Variants in MAGEC3 observed in about 807,000 individuals in gnomAD.
MAGEC3 encodes the protein melanoma-associated antigen C3.
In MAGEC3, 34 loss-of-function variants were observed where a neutral mutation model predicts 35.3. The ratio of observed to expected loss-of-function variants is 0.96; its 90% CI spans 0.73 to 1.28. The LOEUF (loss-of-function observed/expected upper bound fraction) is 1.28, where lower values mean the gene tolerates loss of function less well. MAGEC3 is among the 50% of genes most tolerant of loss of function. MAGEC3 has a pLI of 0.00. For missense variants in MAGEC3, 561 were observed against 483.6 expected (o/e 1.16, Z -1.50); for synonymous variants, 202 against 185.6 (o/e 1.09, Z -0.72).
At chrX:141,857,816 G>C (rs1267422765) in intron 1 of MAGEC3, among the ~76,000 whole-genome samples, 3 of 110,870 alleles carry the variant, frequency 2.7e-5, no homozygotes, top group Non-Finnish European at 5.7e-5. Flanking sequence ...AAAACTCTCT[G>C]GTAACTATCT....
chrX:141,881,706 C>A lies in MAGEC3; in HGVS notation c.819C>A (p.Asn273Lys). ...SLSDEQGMPQ[N>K]RLLILILSVI... ...GTGATGAGCAGGGCATGCCCCAGAA[C>A]CGCCTCCTGATTCTTATTCTGAGTG... is the stretch of plus-strand genomic sequence containing the variant. The change falls in exon 4 of 8, where the codon AAC becomes AAA. Residue 273 changes from asparagine to lysine, a missense_variant. Physicochemically the swap from Asn to Lys is moderately conservative, Grantham distance 94. Coordinates refer to ENST00000298296, the MANE Select transcript of MAGEC3 (RefSeq NM_138702.1). 8.3e-7 allele frequency: 1 copy of A among 1,211,403 alleles called. No individual in the cohort carries two copies. The highest frequency in any genetic ancestry group is 1.8e-5 in the South Asian group (1 of 56,937).
chrX:141,877,103 C>G (rs948818982), intron 2 of MAGEC3, among the ~76,000 whole-genome samples: 1 of 112,077 alleles, frequency 8.9e-6, no homozygotes, highest in African/African-American at 3.2e-5. Context: ...GGATTGCAGT[C>G]GATCTGTAGA....
intron 1 of MAGEC3, among the ~76,000 whole-genome samples, chrX:141,862,260 T>C (rs1052908268): frequency 3.6e-5 from 4 of 111,560 alleles, no homozygotes; most frequent in African/African-American, 1.3e-4. Flanking sequence ...GTAGAATGCC[T>C]ATTATGAAAA....
chrX:141,891,669 A>ATATATGCATATATAAATATATATATT lies in MAGEC3; in HGVS notation c.910-3595_910-3594insGCATATATAAATATATATATTTATAT, dbSNP rs1569475454. ...TAGATGTGGTAATGTGTGTGTGTAT[A>ATATATGCATATATAAATATATATATT]TATATATGCATATATAAATATATAT... On this transcript the variant is annotated intron_variant, in intron 4 of 7. Transcript: ENST00000298296. Among the ~76,000 whole-genome samples the ATATATGCATATATAAATATATATATT allele has an allele frequency of 2.4e-3, 251 of 103,841 alleles. 3 individuals carry two copies. Among genetic ancestry groups the ATATATGCATATATAAATATATATATT allele is most frequent in the African/African-American group, 8.4e-3 (239 of 28,386 alleles). The allele number at this position is 103,841 out of a possible 115,157, so 90.2% of individuals were successfully genotyped here.
chrX:141,857,747 C>G (rs1463477740), intron 1 of MAGEC3, among the ~76,000 whole-genome samples: 1 of 111,141 alleles, frequency 9.0e-6, no homozygotes, highest in East Asian at 2.8e-4. Flanking sequence ...ACACCTGAAA[C>G]ACGCACCACC....
At chrX:141,879,694 G>T (rs191581936) in intron 3 of MAGEC3, among the ~76,000 whole-genome samples, 135 of 110,597 alleles carry the variant, frequency 1.2e-3, no homozygotes, top group African/African-American at 4.2e-3. Context: ...GAGGCATTTT[G>T]TGAGAAGGCT....
chrX:141,846,206 GTT>G (rs11414468), intron 1 of MAGEC3, among the ~76,000 whole-genome samples: 25 of 92,645 alleles, frequency 2.7e-4, no homozygotes, highest in African/African-American at 9.2e-4. Context: ...CCTCACCAGT[GTT>G]TTTTTTTTTT....
chrX:141,890,565 C>T (rs1370988314), intron 4 of MAGEC3, among the ~76,000 whole-genome samples: 1 of 111,545 alleles, frequency 9.0e-6, no homozygotes, highest in Non-Finnish European at 1.9e-5. Flanking sequence ...TAAGGTTGCC[C>T]GTCCCTGCCA....
At chrX:141,838,667 C>T (rs764140657) in intron 1 of MAGEC3, 180 of 751,199 alleles carry the variant, frequency 2.4e-4, no homozygotes, top group Non-Finnish European at 2.8e-4. Flanking sequence ...ATTTAGTTTG[C>T]ACCTAGGCCT....
Position 141,897,384 on chromosome X carries a change from C to T in MAGEC3, c.1626C>T (p.Gly542=). Residue 542 remains glycine, a synonymous_variant, in exon 7 of 8, where the codon GGC becomes GGT. Coordinates refer to ENST00000298296, the MANE Select transcript of MAGEC3 (RefSeq NM_138702.1). Reference sequence around the variant, plus strand: ...AGGGAAGCCTGATTGATGACCAGGGCATGCCCAAGAACTGTCTCCTGATTC... The same window carrying T: ...AGGGAAGCCTGATTGATGACCAGGGTATGCCCAAGAACTGTCTCCTGATTC... The part of the protein sequence containing the change: ...TYEGSLIDDQ[G]MPKNCLLILI... 1 of 1,211,842 alleles carries T rather than the reference C, an allele frequency of 8.3e-7. No homozygotes were observed. The highest frequency in any genetic ancestry group is 1.1e-6 in the Non-Finnish European group (1 of 895,549).
At chrX:141,890,491 GCC>G (rs71886844) in intron 4 of MAGEC3, among the ~76,000 whole-genome samples, 17,786 of 111,149 alleles carry the variant, frequency 0.16, 3,316 homozygotes, top group African/African-American at 0.54. Flanking sequence ...ACAGGCATGA[GCC>G]CCACCACACC....
At chrX:141,893,642 CTGTG>C (rs770042816) in intron 4 of MAGEC3, among the ~76,000 whole-genome samples, 858 of 85,064 alleles carry the variant, frequency 0.01, 14 homozygotes, top group African/African-American at 0.035. Context: ...ATAGGAGACA[CTGTG>C]TGTGTGTGTG....
At chrX:141,878,269 C>T (rs1349780086) in intron 2 of MAGEC3, among the ~76,000 whole-genome samples, 1 of 112,284 alleles carries the variant, frequency 8.9e-6, no homozygotes, top group Non-Finnish European at 1.9e-5. Context: ...ACCGACAGCA[C>T]ATAGTACCAA....
chrX:141,883,070 C>T (rs1015559533), intron 4 of MAGEC3, among the ~76,000 whole-genome samples: 3 of 111,715 alleles, frequency 2.7e-5, no homozygotes, highest in African/African-American at 9.8e-5. Context: ...GAGGAGTCTC[C>T]ATGTGGGGAA....
At chrX:141,895,462 C>T (rs762413293) in intron 5 of MAGEC3, 23 bp from the exon 6 acceptor site, 18 of 1,208,317 alleles carry the variant, frequency 1.5e-5, no homozygotes, top group African/African-American at 3.5e-5. Context: ...GAAGAAGCCC[C>T]GGTCTGCCCT....
intron 3 of MAGEC3, among the ~76,000 whole-genome samples, chrX:141,879,724 G>C (rs2017947970): frequency 9.0e-6 from 1 of 110,841 alleles, no homozygotes; most frequent in African/African-American, 3.3e-5. Context: ...TCAGCAGACA[G>C]AAGACTCTTA....
intron 1 of MAGEC3, among the ~76,000 whole-genome samples, chrX:141,843,300 G>A (rs183996944): frequency 7.2e-4 from 80 of 111,508 alleles, no homozygotes; most frequent in African/African-American, 2.5e-3. Context: ...CTCTACAGGA[G>A]TAAGGCCATC....
Position 141,843,767 on chromosome X carries a change from G to A in MAGEC3, c.123+5329G>A, listed in dbSNP as rs781544301. Among the ~76,000 whole-genome samples the A allele has an allele frequency of 1.7e-4, 19 of 110,752 alleles. 1 individual carries two copies. The South Asian group carries it at 7.3e-3, about 43-fold the overall frequency. On this transcript the variant is annotated intron_variant, in intron 1 of 7. Coordinates refer to ENST00000298296, the MANE Select transcript of MAGEC3 (RefSeq NM_138702.1). ...CCCACATACCAAGCGTGCCCCCATA[G>A]GGTTTTTGATGTTAGTTTGTTTTCA...
At chrX:141,854,769 A>G (rs1029645387) in intron 1 of MAGEC3, among the ~76,000 whole-genome samples, 1 of 111,697 alleles carries the variant, frequency 9.0e-6, no homozygotes, top group Non-Finnish European at 1.9e-5. Context: ...ATGGTGATGA[A>G]TGTTCCAGTC....
Sources: allele counts gnomAD v4.1 joint callset (sites outside exome capture counted in the v4.1 genomes callset), GRCh38; gene constraint gnomAD v4.1.1; transcripts MANE v1.5; gene names NCBI Gene and HGNC (gene_info 2026-07-23, HGNC 2026-07-21).